Variants in TMCO6 observed in about 807,000 individuals in gnomAD.
The protein encoded by TMCO6 is transmembrane and coiled-coil domain-containing protein 6.
Under a neutral mutation model 61.8 loss-of-function variants are expected in TMCO6, and 47 were observed. That is an observed-to-expected ratio of 0.76 (90% CI 0.60 to 0.97). The LOEUF is 0.97. Among genes scored for constraint, TMCO6 ranks in the 50% least tolerant of loss-of-function variants. TMCO6 has a pLI of 0.00. For missense variants in TMCO6, 557 were observed against 601.6 expected (o/e 0.93, Z 0.78); for synonymous variants, 261 against 254.2 (o/e 1.03, Z -0.25).
the TMCO6 span, among the ~76,000 whole-genome samples, chr5:140,601,006 G>A: frequency 2.0e-5 from 3 of 152,138 alleles, no homozygotes; most frequent in Non-Finnish European, 4.4e-5. Context: ...ATACTAGGTA[G>A]GGAAAGTGTG....
intron 2 of TMCO6, 55 bp downstream of exon 2, chr5:140,639,906 C>A: frequency 6.8e-7 from 1 of 1,471,074 alleles, no homozygotes; most frequent in Non-Finnish European, 9.3e-7. Context: ...GCCAGACTCC[C>A]GGGAGTACTC....
At chr5:140,647,069 G>T (rs1581475613), downstream of TMCO6, 2 of 666,910 alleles carry the variant, frequency 3.0e-6, no homozygotes, top group East Asian at 2.9e-5. Context: ...TACTTATGTT[G>T]CCCGGAATAC....
At chr5:140,646,335 T>C (rs1355486941), downstream of TMCO6, among the ~76,000 whole-genome samples, 3 of 152,164 alleles carry the variant, frequency 2.0e-5, no homozygotes, top group Non-Finnish European at 2.9e-5. Flanking sequence ...TAGGCTCCCA[T>C]AGGCTATCTA....
the TMCO6 span, chr5:140,631,586 C>G: frequency 2.8e-6 from 1 of 362,946 alleles, no homozygotes. Flanking sequence ...CTTCTATCCC[C>G]GCAGTTCTTT....
intron 10 of TMCO6, 40 bp downstream of exon 10, chr5:140,644,234 G>A (rs372279342): frequency 5.0e-6 from 8 of 1,585,474 alleles, no homozygotes; most frequent in Admixed American, 1.7e-5. Flanking sequence ...TCTGGTAGTC[G>A]GATTGTATGG....
the TMCO6 span, among the ~76,000 whole-genome samples, chr5:140,613,107 G>C: frequency 6.6e-6 from 1 of 152,008 alleles, no homozygotes; most frequent in African/African-American, 2.4e-5. Flanking sequence ...GATGCCAGGA[G>C]GGGCCGGGCA....
chr5:140,613,714 A>T, the TMCO6 span, among the ~76,000 whole-genome samples: 3 of 151,818 alleles, frequency 2.0e-5, no homozygotes, highest in Admixed American at 6.6e-5. Flanking sequence ...TATTATTATT[A>T]TTATTTTTAT....
At chr5:140,613,383 GACTAAAAAA>G in the TMCO6 span, among the ~76,000 whole-genome samples, 2 of 59,904 alleles carry the variant, frequency 3.3e-5, no homozygotes, top group Non-Finnish European at 5.4e-5. Flanking sequence ...GTGAGACTCT[GACTAAAAAA>G]AAAAAAAAAA....
chr5:140,632,273 G>C, the TMCO6 span: 2 of 1,613,822 alleles, frequency 1.2e-6, no homozygotes, highest in Non-Finnish European at 8.5e-7. This position sits in a 1 kb window ranked among gnomAD's most constrained non-coding sequence, Gnocchi z 6.2. Context: ...ACACGCCTGT[G>C]GGCGTCTCCA....
chr5:140,636,516 G>C (rs1756774237), upstream of TMCO6, among the ~76,000 whole-genome samples: 1 of 151,368 alleles, frequency 6.6e-6, no homozygotes, highest in Non-Finnish European at 1.5e-5. Flanking sequence ...GTTTTTCTTG[G>C]GGAAATAAGA....
At chr5:140,632,931 G>A in the TMCO6 span, 1 of 1,614,184 alleles carries the variant, frequency 6.2e-7, no homozygotes, top group East Asian at 2.2e-5. This position sits in a 1 kb window ranked among gnomAD's most constrained non-coding sequence, Gnocchi z 6.2. Flanking sequence ...CGTGGTCGCA[G>A]AGACGTGCAC....
the TMCO6 span, chr5:140,632,972 C>T: frequency 6.2e-7 from 1 of 1,614,142 alleles, no homozygotes; most frequent in Non-Finnish European, 8.5e-7. The surrounding 1 kb of genome is among the most constrained non-coding windows in gnomAD (Gnocchi z 6.2). Flanking sequence ...ACAAGCAGGA[C>T]GCGCGCTCCT....
At chr5:140,629,221 A>T in the TMCO6 span, among the ~76,000 whole-genome samples, 2 of 152,284 alleles carry the variant, frequency 1.3e-5, 1 homozygote, top group South Asian at 4.1e-4. Context: ...GTGAGCTGAG[A>T]TCAAACCACT....
Position 140,644,094 on chromosome 5 carries a change from T to C in TMCO6, c.1106-6T>C, listed in dbSNP as rs1757228080. 3.7e-6 allele frequency: 6 copies of C among 1,614,168 alleles called. No individual in the cohort carries two copies. Among genetic ancestry groups the C allele is most frequent in the Non-Finnish European group, 4.2e-6 (5 of 1,179,982 alleles). ...GCAGTTTTTCACCCTGGTACTTCTC[T>C]TCCAGCAAACAGTCCTAGTTTCTGT... is the stretch of plus-strand genomic sequence containing the variant. On this transcript the variant is annotated splice_polypyrimidine_tract_variant and splice_region_variant and intron_variant, in intron 9 of 11. Transcript: ENST00000394671.
chr5:140,631,730 C>A, the TMCO6 span: 227,343 of 866,530 alleles, frequency 0.26, 31,398 homozygotes, highest in Middle Eastern at 0.3. Flanking sequence ...ATGACACGGA[C>A]CCGTTGTTTA....
intron 7 of TMCO6, 47 bp from the exon 8 acceptor site, chr5:140,643,517 G>A (rs1757179578): frequency 6.4e-7 from 1 of 1,552,882 alleles, no homozygotes; most frequent in East Asian, 2.2e-5. Context: ...CTTCTTAAAG[G>A]TGGAATTGAC....
chr5:140,632,617 G>A, the TMCO6 span: 4 of 1,613,932 alleles, frequency 2.5e-6, no homozygotes. This position sits in a 1 kb window ranked among gnomAD's most constrained non-coding sequence, Gnocchi z 6.2. Flanking sequence ...AGGTCCTCGA[G>A]CGTCAGTTCC....
chr5:140,647,658 A>G, downstream of TMCO6: 2 of 1,553,206 alleles, frequency 1.3e-6, no homozygotes, highest in Non-Finnish European at 1.7e-6. Flanking sequence ...CGGACCCTAA[A>G]GCCTAGCCCA....
At chr5:140,634,765 C>T (rs1756727386), upstream of TMCO6, among the ~76,000 whole-genome samples, 1 of 151,998 alleles carries the variant, frequency 6.6e-6, no homozygotes, top group Non-Finnish European at 1.5e-5. Context: ...GCGAGAGCCA[C>T]CACACCCGGC....
Sources: allele counts gnomAD v4.1 joint callset (sites outside exome capture counted in the v4.1 genomes callset), GRCh38; gene constraint gnomAD v4.1.1; non-coding constraint Gnocchi (gnomAD v3.1); transcripts MANE v1.5; gene names NCBI Gene and HGNC (gene_info 2026-07-23, HGNC 2026-07-21).